NUDCD1: variants seen among roughly 807,000 people sequenced by gnomAD.
NUDCD1 encodes nudC domain-containing protein 1.
In NUDCD1, 60 loss-of-function variants were observed where a neutral mutation model predicts 67.8. The observed-to-expected ratio is 0.88, with a 90% CI of 0.72 to 1.10. NUDCD1 has a LOEUF of 1.10. NUDCD1 is among the 50% of genes least tolerant of loss of function. NUDCD1 has a pLI of 0.00. For missense variants in NUDCD1, 643 were observed against 695.0 expected, an observed-to-expected ratio of 0.93 and a Z score of 0.84; for synonymous variants, 244 against 230.8, an observed-to-expected ratio of 1.06 and a Z score of -0.52.
Position 109,267,325 on chromosome 8 carries a change from G to C in NUDCD1, c.1299+3680C>G, listed in dbSNP as rs189422837. On this transcript the variant is annotated intron_variant, in intron 8 of 9. Coordinates refer to ENST00000239690, the MANE Select transcript of NUDCD1 (RefSeq NM_032869.4). ...TGGTGTCTGTTGTTTTTATTTGTGT[G>C]TCCATATGTACTCAGTATTTAGGAT... Among the ~76,000 whole-genome samples, 372 of 152,042 alleles carry C rather than the reference G, an allele frequency of 2.4e-3. 1 individual carries two copies. The highest frequency in any genetic ancestry group is 7.9e-3 in the African/African-American group (329 of 41,446).
At chr8:109,266,143 ATTAACT>A (rs1350075159) in intron 8 of NUDCD1, among the ~76,000 whole-genome samples, 2 of 107,070 alleles carry the variant, frequency 1.9e-5, no homozygotes, top group African/African-American at 9.5e-5. Context: ...AACTGGATAA[ATTAACT>A]TTAATAACAT....
chr8:109,331,075 C>T (rs1198834548), intron 1 of NUDCD1, among the ~76,000 whole-genome samples: 2 of 152,126 alleles, frequency 1.3e-5, no homozygotes, highest in East Asian at 3.9e-4. Context: ...GGAGCAGTGG[C>T]TCAGGCCTGT....
chr8:109,325,207 T>TG (rs1563686430), intron 1 of NUDCD1, among the ~76,000 whole-genome samples: 1 of 149,958 alleles, frequency 6.7e-6, no homozygotes, highest in Non-Finnish European at 1.5e-5. Context: ...AAGATGGGGG[T>TG]GGGGGATGAA....
At position 109,296,428 on chromosome 8, in the gene NUDCD1, T is replaced by C; in HGVS notation, c.415A>G (p.Ile139Val). ...LSDGTGRLYVIGTGERGNSAS... is the reference protein window; with the variant it reads ...LSDGTGRLYVVGTGERGNSAS... ...CTATTTCCACGTTCACCTGTTCCAA[T>C]GACATACAATCTTCCAGTTCCATCT... Residue 139 changes from isoleucine to valine, a missense_variant, in exon 3 of 10, where the codon ATT (isoleucine) becomes GTT (valine). Transcript: ENST00000239690. The C allele has an allele frequency of 3.1e-6, 5 of 1,613,684 alleles. No individual in the cohort carries two copies. The highest frequency in any genetic ancestry group is 4.2e-6 in the Non-Finnish European group (5 of 1,179,726).
intron 6 of NUDCD1, among the ~76,000 whole-genome samples, chr8:109,278,254 T>C (rs1814343490): frequency 6.6e-6 from 1 of 152,216 alleles, no homozygotes; most frequent in African/African-American, 2.4e-5. Context: ...TAAGACTTGA[T>C]TTAAAATAAA....
At chr8:109,298,231 A>G (rs1814889145) in intron 2 of NUDCD1, among the ~76,000 whole-genome samples, 1 of 152,210 alleles carries the variant, frequency 6.6e-6, no homozygotes, top group African/African-American at 2.4e-5. Flanking sequence ...AGTATTAAGT[A>G]GCCTATTAGT....
chr8:109,271,701 T>G (rs1380920951), intron 7 of NUDCD1, among the ~76,000 whole-genome samples: 3 of 152,128 alleles, frequency 2.0e-5, no homozygotes. Flanking sequence ...ACAAACATTT[T>G]CTTTAAAAAA....
At chr8:109,269,910 T>A (rs1190590811) in intron 8 of NUDCD1, among the ~76,000 whole-genome samples, 1 of 147,332 alleles carries the variant, frequency 6.8e-6, no homozygotes, top group African/African-American at 2.5e-5. Flanking sequence ...GGTTAAGGAT[T>A]CCCCTAAGAA....
At chr8:109,246,691 A>G (rs534306749) in intron 8 of NUDCD1, among the ~76,000 whole-genome samples, 1 of 152,318 alleles carries the variant, frequency 6.6e-6, no homozygotes, top group South Asian at 2.1e-4. Context: ...AAATGTTATT[A>G]TCAGAGTTGA....
At chr8:109,260,482 G>A (rs1054219429) in intron 8 of NUDCD1, among the ~76,000 whole-genome samples, 3 of 152,176 alleles carry the variant, frequency 2.0e-5, no homozygotes, top group African/African-American at 7.2e-5. Flanking sequence ...TTATCGGCAT[G>A]AGCCACTGCG....
intron 8 of NUDCD1, among the ~76,000 whole-genome samples, chr8:109,262,368 G>T (rs953083657): frequency 1.3e-5 from 2 of 152,200 alleles, no homozygotes; most frequent in Non-Finnish European, 2.9e-5. Flanking sequence ...TCAGAAAGCT[G>T]TTGTAAAAGT....
intron 4 of NUDCD1, 36 bp from the exon 5 acceptor site, chr8:109,289,969 A>T: frequency 1.1e-6 from 1 of 925,982 alleles, no homozygotes; most frequent in Non-Finnish European, 1.6e-6. Context: ...AACATTACAA[A>T]TAAAAACTAT....
At chr8:109,312,441 AAAAT>A (rs1815280299) in intron 2 of NUDCD1, among the ~76,000 whole-genome samples, 1 of 152,196 alleles carries the variant, frequency 6.6e-6, no homozygotes, top group African/African-American at 2.4e-5. Context: ...GGTGGGAATA[AAAAT>A]AACTATAGGC....
In NUDCD1 at chr8:109,322,389, G is replaced by C. The variant is rs769026351; in HGVS notation, c.193C>G (p.Leu65Val). ...HMHAFGMYNY[L>V]HCDSWYQDSV... ...TCTTGATACCATGAATCACAGTGCAGGTAATTATACATTCCAAAAGCATGC... is the reference window on the plus strand; with the variant it reads ...TCTTGATACCATGAATCACAGTGCACGTAATTATACATTCCAAAAGCATGC... Residue 65 changes from leucine (L) to valine (V), a missense_variant, in exon 2 of 10, where the codon CTG (leucine) becomes GTG (valine). Transcript: ENST00000239690. The C allele has an allele frequency of 3.8e-6, 6 of 1,599,888 alleles. No homozygotes were observed. In the South Asian group the frequency reaches 4.4e-5, roughly 12 times the overall value.
chr8:109,270,573 T>C (rs574055893), intron 8 of NUDCD1, among the ~76,000 whole-genome samples: 27 of 152,314 alleles, frequency 1.8e-4, no homozygotes, highest in African/African-American at 3.4e-4. Flanking sequence ...AATAGCATCA[T>C]CATAAATAAT....
chr8:109,326,778 T>C (rs1166218149), intron 1 of NUDCD1, among the ~76,000 whole-genome samples: 19 of 152,176 alleles, frequency 1.2e-4, no homozygotes, highest in Admixed American at 1.1e-3. Flanking sequence ...CAAAGGGCTA[T>C]AGTTTTTCAT....
Position 109,242,116 on chromosome 8 carries a change from C to T in NUDCD1, c.*893G>A, listed in dbSNP as rs533148980. The T allele has an allele frequency of 8.8e-5, 35 of 398,054 alleles. No homozygotes were observed. Among genetic ancestry groups the T allele is most frequent in the African/African-American group, 5.5e-4 (27 of 48,692 alleles). 24.7% of individuals were successfully genotyped at this position (398,054 alleles called of 1,614,324 possible). A position where few individuals can be genotyped will look rare whatever the true frequency, so the allele number is the denominator to read the frequency against. ...ATGGCCCCCAATGAGTCATACCATCCGCTGTCAGCTTGTGTAGTCCCCTCA... is the reference window on the plus strand; with the variant it reads ...ATGGCCCCCAATGAGTCATACCATCTGCTGTCAGCTTGTGTAGTCCCCTCA... On this transcript the variant is annotated 3_prime_UTR_variant, in exon 10 of 10. Transcript: ENST00000239690.
chr8:109,309,496 C>T (rs1173447529), intron 2 of NUDCD1, among the ~76,000 whole-genome samples: 2 of 152,144 alleles, frequency 1.3e-5, no homozygotes, highest in African/African-American at 2.4e-5. Context: ...AAACCCACAG[C>T]CAACATAATA....
At chr8:109,267,225 G>A (rs916714985) in intron 8 of NUDCD1, among the ~76,000 whole-genome samples, 2 of 152,100 alleles carry the variant, frequency 1.3e-5, no homozygotes, top group South Asian at 2.1e-4. Context: ...TCGCCAACCA[G>A]GTAATAAGCA....
Sources: allele counts gnomAD v4.1 joint callset (sites outside exome capture counted in the v4.1 genomes callset), GRCh38; gene constraint gnomAD v4.1.1; transcripts MANE v1.5; gene names NCBI Gene and HGNC (gene_info 2026-07-23, HGNC 2026-07-21).